Variants in DHX33 observed in about 807,000 individuals in gnomAD.
DHX33 encodes the protein ATP-dependent RNA helicase DHX33.
In DHX33, 42 loss-of-function variants were observed where a neutral mutation model predicts 72.5. The observed-to-expected ratio is 0.58, with a 90% CI of 0.45 to 0.75. The LOEUF (loss-of-function observed/expected upper bound fraction) is 0.75. DHX33 is among the 30% of genes least tolerant of loss of function. DHX33 has a pLI of 0.00. For synonymous variants in DHX33, 358 were observed against 366.1 expected, an observed-to-expected ratio of 0.98 and a Z score of 0.25; for missense variants, 842 against 917.5, an observed-to-expected ratio of 0.92 and a Z score of 1.06.
Position 5,462,379 on chromosome 17 carries a change from G to C in DHX33, c.618C>G (p.Leu206=). The C allele has an allele frequency of 6.2e-7, 1 of 1,614,172 alleles. No individual in the cohort carries two copies. The highest frequency in any genetic ancestry group is 8.5e-7 in the Non-Finnish European group (1 of 1,180,020). Residue 206 remains leucine (L), a synonymous_variant, in exon 3 of 12, where the codon CTC becomes CTG. Transcript: ENST00000225296. ...TCTGTGCAGCTTTCACCACTCCAAA[G>C]AGCACATCTGTGTGGATAGTCCGTT... ...AHERTIHTDV[L]FGVVKAAQKR...
intron 11 of DHX33, among the ~76,000 whole-genome samples, chr17:5,447,874 G>A (rs1916720503): frequency 6.6e-6 from 1 of 151,980 alleles, no homozygotes; most frequent in African/African-American, 2.4e-5. Context: ...GCCACAGGAA[G>A]GATTTGAGAA....
rs1597367159 is a variant in DHX33, at chr17:5,468,855, G to A, written c.5C>T (p.Pro2Leu). 2 of 1,554,440 alleles carry A rather than the reference G, an allele frequency of 1.3e-6. No homozygotes were observed. ...GGCCGGCGGGAAGCCCGCCTCCTCC[G>A]GCATGTCGGGAGGGCACCGCGGCGG... is the stretch of plus-strand genomic sequence containing the variant. Reference protein sequence around the residue: MPEEAGFPPAKR... With the variant: MLEEAGFPPAKR... The change falls in exon 1 of 12, where the codon CCG (proline) becomes CTG (leucine). Residue 2 changes from proline to leucine, a missense_variant. Coordinates refer to ENST00000225296, the MANE Select transcript of DHX33 (RefSeq NM_020162.4).
Position 5,463,570 on chromosome 17 carries a change from T to C in DHX33, c.409A>G (p.Thr137Ala), listed in dbSNP as rs1567604008. The C allele has an allele frequency of 1.4e-5, 22 of 1,614,020 alleles. No individual in the cohort carries two copies. The highest frequency in any genetic ancestry group is 1.6e-4 in the Middle Eastern group (1 of 6,084). ...PRRVAAISLA[T>A]RVSDEKRTEL... ...GTTCTCTTCTCATCTGAGACTCTAG[T>C]AGCAAGAGAGATGGCAGCTACTCGA... Residue 137 changes from threonine (T) to alanine (A), a missense_variant, in exon 2 of 12, where the codon ACT becomes GCT. Thr to Ala is a moderately conservative substitution (Grantham distance 58). Transcript: ENST00000225296.
intron 1 of DHX33, 133 bp downstream of exon 1, chr17:5,468,438 A>G: frequency 1.6e-6 from 2 of 1,223,504 alleles, no homozygotes; most frequent in South Asian, 3.1e-5. Context: ...GCCCCTCTCC[A>G]GGTCTGGCCC....
At chr17:5,445,696 C>CT (rs1362756549) in intron 11 of DHX33, among the ~76,000 whole-genome samples, 1 of 152,150 alleles carries the variant, frequency 6.6e-6, no homozygotes, top group African/African-American at 2.4e-5. Flanking sequence ...CTCTGCTGGG[C>CT]TCTTGAGTGG....
Position 5,441,724 on chromosome 17 carries a change from T to C in DHX33, c.*2481A>G, listed in dbSNP as rs1287745264. On this transcript the variant is annotated 3_prime_UTR_variant, in exon 12 of 12. Coordinates refer to ENST00000225296, the MANE Select transcript of DHX33 (RefSeq NM_020162.4). ...GCCCAATAAAAAACTAAATACTGTA[T>C]TAAAACTCTACCACAATGTTACAGG... The C allele has an allele frequency of 6.6e-6, 1 of 152,148 alleles. No homozygotes were observed. Among genetic ancestry groups the C allele is most frequent in the East Asian group, 1.9e-4 (1 of 5,178 alleles). 9.4% of individuals were successfully genotyped at this position (152,148 alleles called of 1,614,324 possible).
intron 1 of DHX33, among the ~76,000 whole-genome samples, chr17:5,465,117 T>A (rs548533003): frequency 6.6e-6 from 1 of 152,232 alleles, no homozygotes; most frequent in Non-Finnish European, 1.5e-5. Context: ...CAGTAAATGT[T>A]ACTTCCTACC....
Position 5,462,346 on chromosome 17 carries a change from T to TCTC in DHX33, c.648_650dup (p.Arg217dup). ...TCAGAGGAAGTTTCCCGAGTTCCTT[T>TCTC]CTCCTCTTCTGTGCAGCTTTCACCA... is the stretch of plus-strand genomic sequence containing the variant. On this transcript the variant is annotated inframe_insertion, in exon 3 of 12. Transcript: ENST00000225296. 1 of 1,613,834 alleles carries TCTC rather than the reference T, an allele frequency of 6.2e-7. No individual in the cohort carries two copies. Among genetic ancestry groups the TCTC allele is most frequent in the Non-Finnish European group, 8.5e-7 (1 of 1,179,980 alleles).
rs905853717 is a variant in DHX33, at chr17:5,454,573, C to T, written c.1147+587G>A. Among the ~76,000 whole-genome samples, 16 of 152,294 alleles carry T rather than the reference C, an allele frequency of 1.1e-4. No individual in the cohort carries two copies. In the East Asian group the frequency reaches 2.7e-3, roughly 26 times the overall value. On this transcript the variant is annotated intron_variant, in intron 6 of 11. Transcript: ENST00000225296. ...TCACCTACGTCATCACAAAAAGATACACCTGTGGAAGCCAGGACCCTCAAA... is the reference window on the plus strand; with the variant it reads ...TCACCTACGTCATCACAAAAAGATATACCTGTGGAAGCCAGGACCCTCAAA...
At chr17:5,458,461 T>C (rs138136152) in intron 4 of DHX33, among the ~76,000 whole-genome samples, 253 of 152,180 alleles carry the variant, frequency 1.7e-3, no homozygotes, top group African/African-American at 5.8e-3. Flanking sequence ...GAAAACATCA[T>C]AATAGGCCAG....
At chr17:5,460,660 T>A (rs1294051775) in intron 4 of DHX33, among the ~76,000 whole-genome samples, 1 of 152,010 alleles carries the variant, frequency 6.6e-6, no homozygotes, top group African/African-American at 2.4e-5. Flanking sequence ...GCACCCGCCA[T>A]CATGCCTGGC....
rs1917064485 is a variant in DHX33 at position 5,453,844 on chromosome 17, C to A, written c.1284G>T (p.Lys428Asn). The A allele has an allele frequency of 1.2e-6, 2 of 1,614,004 alleles. No individual in the cohort carries two copies. Among genetic ancestry groups the A allele is most frequent in the African/African-American group, 1.3e-5 (1 of 74,918 alleles). ...YTEDEFEKFDKMTVPEIQRCN... is the reference protein window; with the variant it reads ...YTEDEFEKFDNMTVPEIQRCN... ...ACCTCTGGATCTCTGGCACGGTCAT[C>A]TTATCAAACTTCTCAAACTCGTCCT... Residue 428 changes from lysine to asparagine, a missense_variant, in exon 7 of 12, where the codon AAG becomes AAT. Transcript: ENST00000225296.
rs1904510734 is a variant in DHX33 at position 5,460,036 on chromosome 17, A to G, written c.849+903T>C. The stretch of plus-strand genomic sequence containing the variant: ...GTACCTTTTTTTTTTTTTTTTTGAG[A>G]CAGACCCTCGCCCTGTCACCCAGGC... On this transcript the variant is annotated intron_variant, in intron 4 of 11. Transcript: ENST00000225296. 2.8e-5 allele frequency among the ~76,000 whole-genome samples: 4 copies of G among 142,450 alleles called. No homozygotes were observed. In the South Asian group the frequency reaches 8.6e-4, roughly 31 times the overall value. 93.5% of individuals were successfully genotyped at this position (142,450 alleles called of 152,430 possible).
At chr17:5,449,908 T>C (rs566297346) in intron 10 of DHX33, among the ~76,000 whole-genome samples, 3 of 152,352 alleles carry the variant, frequency 2.0e-5, no homozygotes, top group Admixed American at 2.0e-4. Flanking sequence ...TACTCATTCA[T>C]TGGTACGCAC....
rs1917145933 is a variant in DHX33, at chr17:5,455,397, T to C, written c.1036-126A>G. 3.9e-6 allele frequency: 3 copies of C among 763,810 alleles called. No homozygotes were observed. The Admixed American group carries it at 6.7e-5, about 17-fold the overall frequency. 47.3% of individuals were successfully genotyped at this position (763,810 alleles called of 1,614,324 possible). On this transcript the variant is annotated intron_variant, in intron 5 of 11. Transcript: ENST00000225296. Reference sequence around the variant, plus strand: ...CAACAGAAGATGACTCCATTATTAATGGCAGTCATTAATATTAATGGTTGG... The same window carrying C: ...CAACAGAAGATGACTCCATTATTAACGGCAGTCATTAATATTAATGGTTGG...
chr17:5,460,623 C>T (rs1288067204), intron 4 of DHX33, among the ~76,000 whole-genome samples: 2 of 152,018 alleles, frequency 1.3e-5, no homozygotes, highest in Admixed American at 6.5e-5. Context: ...TCTCCCACCT[C>T]AGCATCCCGA....
chr17:5,453,852 A>G lies in DHX33; in HGVS notation c.1276T>C (p.Phe426Leu), dbSNP rs762306488. 1 of 1,614,060 alleles carries G rather than the reference A, an allele frequency of 6.2e-7. No individual in the cohort carries two copies. Among genetic ancestry groups the G allele is most frequent in the Admixed American group, 1.7e-5 (1 of 60,014 alleles). Reference sequence around the variant, plus strand: ...ATCTCTGGCACGGTCATCTTATCAAACTTCTCAAACTCGTCCTCCGTGTAG... The same window carrying G: ...ATCTCTGGCACGGTCATCTTATCAAGCTTCTCAAACTCGTCCTCCGTGTAG... ...RLYTEDEFEK[F>L]DKMTVPEIQR... Residue 426 changes from phenylalanine (F) to leucine (L), a missense_variant, in exon 7 of 12, where the codon TTT becomes CTT. Transcript: ENST00000225296.
chr17:5,462,642 A>T, intron 2 of DHX33, 96 bp from the exon 3 acceptor site: 1 of 811,768 alleles, frequency 1.2e-6, no homozygotes, highest in South Asian at 1.5e-5. Flanking sequence ...ACAGTGAACA[A>T]GACCAACACC....
In DHX33 at chr17:5,456,072, A is replaced by G; in HGVS notation, c.960T>C (p.Pro320=). ...DIAKHLPDGC[P]AMLVLPLYAS... is the part of the protein sequence containing the mutation. ...CGTACAGAGGAAGGACCAGCATCGC[A>G]GGGCAGCCGTCTGGGAGGTGCTTTG... The change falls in exon 5 of 12, where the codon CCT becomes CCC. Residue 320 remains proline, a synonymous_variant. Transcript: ENST00000225296. 6.2e-7 allele frequency: 1 copy of G among 1,613,830 alleles called. No individual in the cohort carries two copies.
Sources: allele counts gnomAD v4.1 joint callset (sites outside exome capture counted in the v4.1 genomes callset), GRCh38; gene constraint gnomAD v4.1.1; transcripts MANE v1.5; gene names NCBI Gene and HGNC (gene_info 2026-07-23, HGNC 2026-07-21).